ABCB5: variants seen among roughly 807,000 people sequenced by gnomAD.
ABCB5 encodes ATP binding cassette subfamily B member 5, also known as ATP-binding cassette sub-family B member 5.
A neutral mutation model predicts 144.2 loss-of-function variants in ABCB5; 155 were observed. That is an observed-to-expected ratio of 1.08 (90% confidence interval 0.94 to 1.23). ABCB5 has a LOEUF of 1.23. Ranked by LOEUF, ABCB5 falls within the 50% of genes most tolerant of loss-of-function variation. The probability of loss-of-function intolerance (pLI) is 0.00; values close to 1 mark genes in which losing one functional copy is unlikely to be tolerated. For missense variants in ABCB5, 1,830 were observed against 1,520.8 expected (o/e 1.20, Z -3.38); for synonymous variants, 610 against 528.6 (o/e 1.15, Z -2.11).
At chr7:20,639,012 A>G (rs755889217) in intron 5 of ABCB5, among the ~76,000 whole-genome samples, 3 of 150,908 alleles carry the variant, frequency 2.0e-5, no homozygotes, top group Admixed American at 2.0e-4. Flanking sequence ...CCATGTCCTC[A>G]TCAACACTTG....
intron 16 of ABCB5, among the ~76,000 whole-genome samples, chr7:20,689,525 G>C (rs1254819414): frequency 6.6e-6 from 1 of 152,200 alleles, no homozygotes; most frequent in East Asian, 1.9e-4. Flanking sequence ...GCAGGCATTA[G>C]TGACCTGGCT....
At chr7:20,738,950 G>C (rs1782474022) in intron 23 of ABCB5, 33 bp from the exon 24 acceptor site, 1 of 1,543,264 alleles carries the variant, frequency 6.5e-7, no homozygotes, top group Non-Finnish European at 8.7e-7. Context: ...AGGATCGATG[G>C]ACCTAAGATT....
At chr7:20,638,665 T>C (rs1784216845) in intron 5 of ABCB5, among the ~76,000 whole-genome samples, 1 of 152,216 alleles carries the variant, frequency 6.6e-6, no homozygotes, top group Admixed American at 6.6e-5. Flanking sequence ...TTGAGGTTCA[T>C]CCATGTTGTA....
intron 2 of ABCB5, among the ~76,000 whole-genome samples, chr7:20,623,946 C>T (rs1175653139): frequency 6.6e-6 from 1 of 152,196 alleles, no homozygotes; most frequent in Non-Finnish European, 1.5e-5. Flanking sequence ...AGAGGGCATT[C>T]CAGCGATACC....
In ABCB5 at chr7:20,646,117, T is replaced by A. The variant is rs1292405354; in HGVS notation, c.960T>A (p.Tyr320Ter). The A allele has an allele frequency of 3.1e-6, 5 of 1,613,542 alleles. No individual in the cohort carries two copies. The South Asian group carries it at 4.4e-5, about 14-fold the overall frequency. ...TGATTCTTAATGGAGAACCTGGATA[T>A]ACCATCGGGACTGTTCTTGCTGTAA... ...TSLILNGEPG[Y>*]TIGTVLAVFF... The change falls in exon 9 of 28, where the codon TAT becomes TAA. Residue 320 changes from tyrosine to a stop codon, truncating the protein, a stop_gained. Coordinates refer to ENST00000404938, the MANE Select transcript of ABCB5 (RefSeq NM_001163941.2). LOFTEE classifies it high-confidence loss of function.
rs1006960848 is a variant in ABCB5 at position 20,627,405 on chromosome 7, T to C, written c.108+794T>C. Among the ~76,000 whole-genome samples, 3 of 152,242 alleles carry C rather than the reference T, an allele frequency of 2.0e-5. No homozygotes were observed. The East Asian group carries it at 5.8e-4, about 29-fold the overall frequency. On this transcript the variant is annotated intron_variant, in intron 3 of 27. Coordinates refer to ENST00000404938, the MANE Select transcript of ABCB5 (RefSeq NM_001163941.2). ...AAATATTTATTAGCTATTGCAACGA[T>C]GAATGGAAAAATAATATTTTGGTCT...
intron 15 of ABCB5, among the ~76,000 whole-genome samples, chr7:20,685,130 G>A (rs1391994231): frequency 6.6e-6 from 1 of 152,118 alleles, no homozygotes; most frequent in Non-Finnish European, 1.5e-5. Context: ...GGATTACAGG[G>A]GTGACGACTG....
At chr7:20,637,098 T>A (rs1422483055) in intron 5 of ABCB5, among the ~76,000 whole-genome samples, 1 of 152,182 alleles carries the variant, frequency 6.6e-6, no homozygotes, top group African/African-American at 2.4e-5. Flanking sequence ...TTGATTAGCA[T>A]CTGTGGAACT....
chr7:20,637,138 C>T (rs1322135327), intron 5 of ABCB5, among the ~76,000 whole-genome samples: 9 of 152,126 alleles, frequency 5.9e-5, no homozygotes, highest in Non-Finnish European at 1.5e-5. Flanking sequence ...TTTGGGGACA[C>T]ATTGATTTGC....
intron 14 of ABCB5, among the ~76,000 whole-genome samples, chr7:20,677,643 C>T (rs559972321): frequency 7.2e-5 from 11 of 152,186 alleles, no homozygotes; most frequent in Admixed American, 1.3e-4. Context: ...GCAGGAGAAT[C>T]GCTTGAACCC....
At chr7:20,663,550 G>C (rs553306562) in intron 14 of ABCB5, among the ~76,000 whole-genome samples, 1 of 152,120 alleles carries the variant, frequency 6.6e-6, no homozygotes, top group Non-Finnish European at 1.5e-5. Context: ...ATTCAGAGAT[G>C]GAAAGTAGAA....
At chr7:20,625,605 A>C (rs1388664915) in intron 2 of ABCB5, among the ~76,000 whole-genome samples, 1 of 152,196 alleles carries the variant, frequency 6.6e-6, no homozygotes, top group African/African-American at 2.4e-5. Context: ...GCAATCCACC[A>C]CTTCATACTC....
intron 7 of ABCB5, among the ~76,000 whole-genome samples, chr7:20,644,218 G>C (rs1299500816): frequency 6.6e-6 from 1 of 151,940 alleles, no homozygotes; most frequent in East Asian, 1.9e-4. Flanking sequence ...CCAAGTAGCT[G>C]GGACTACAGG....
intron 14 of ABCB5, among the ~76,000 whole-genome samples, chr7:20,668,598 G>GC (rs1202276018): frequency 2.0e-5 from 3 of 147,624 alleles, no homozygotes; most frequent in Non-Finnish European, 4.5e-5. Flanking sequence ...GGTGGGGGGG[G>GC]GGGTCAGCCC....
At chr7:20,731,794 A>T (rs1232948816) in intron 23 of ABCB5, among the ~76,000 whole-genome samples, 1 of 152,030 alleles carries the variant, frequency 6.6e-6, no homozygotes, top group East Asian at 1.9e-4. Flanking sequence ...TAAATCACTG[A>T]TTCCTCATGA....
At chr7:20,744,989 T>G (rs1782674862) in intron 25 of ABCB5, among the ~76,000 whole-genome samples, 1 of 152,196 alleles carries the variant, frequency 6.6e-6, no homozygotes, top group Non-Finnish European at 1.5e-5. Context: ...CATCTCCACC[T>G]ACTTTTTACT....
chr7:20,711,810 T>C lies in ABCB5; in HGVS notation c.2421+7003T>C, dbSNP rs796894635. On this transcript the variant is annotated intron_variant, in intron 20 of 27. Transcript: ENST00000404938. ...TTTCTTTCTTTCTTTCTTTCTTTCT[T>C]TCTTTCTTTCTTTCTTTCTTTCTTT... Among the ~76,000 whole-genome samples the C allele has an allele frequency of 7.7e-3, 357 of 46,608 alleles. 15 individuals carry two copies. The East Asian group carries it at 0.12, about 15-fold the overall frequency. 30.6% of individuals were successfully genotyped at this position (46,608 alleles called of 152,430 possible). A position where few individuals can be genotyped will look rare whatever the true frequency, so the allele number is the denominator to read the frequency against.
chr7:20,680,096 C>G (rs528127792), intron 14 of ABCB5, among the ~76,000 whole-genome samples: 30 of 152,164 alleles, frequency 2.0e-4, no homozygotes, highest in Non-Finnish European at 3.8e-4. Context: ...TTATCCGCAA[C>G]TCTATAAAAC....
chr7:20,658,774 G>GTAATCTTTAT, intron 14 of ABCB5, 98 bp downstream of exon 14: 1 of 1,395,276 alleles, frequency 7.2e-7, no homozygotes, highest in Non-Finnish European at 9.7e-7. Context: ...CTCAAGTTGA[G>GTAATCTTTAT]AGCCCTCTTA....
Sources: allele counts gnomAD v4.1 joint callset (sites outside exome capture counted in the v4.1 genomes callset), GRCh38; gene constraint gnomAD v4.1.1; transcripts MANE v1.5; gene names NCBI Gene and HGNC (gene_info 2026-07-23, HGNC 2026-07-21).